The following RYR1 variants were observed in gnomAD, a reference collection of about 807,000 sequenced individuals.
RYR1 encodes the protein ryanodine receptor 1, also known as central core disease of muscle.
RYR1 carries 342 observed loss-of-function variants against 583.5 expected under a neutral mutation model. That is an observed-to-expected ratio of 0.59 (90% confidence interval 0.54 to 0.64). The LOEUF (loss-of-function observed/expected upper bound fraction) is 0.64. Among genes scored for constraint, RYR1 ranks in the 30% least tolerant of loss-of-function variants. The probability of loss-of-function intolerance (pLI) is 0.00; values close to 1 mark genes in which losing one functional copy is unlikely to be tolerated. For missense variants in RYR1, 6,032 were observed against 6,917.2 expected (o/e 0.87, Z 4.54); for synonymous variants, 2,791 against 2,822.5 (o/e 0.99, Z 0.35).
At chr19:38,466,537 C>A in intron 24 of RYR1, 139 bp downstream of exon 24, 1 of 873,566 alleles carries the variant, frequency 1.1e-6, no homozygotes, top group Non-Finnish European at 1.7e-6. Flanking sequence ...CGGAGTCTCG[C>A]TGTCCCCAGG....
At chr19:38,492,672 G>A in intron 38 of RYR1, 36 bp downstream of exon 38, 1 of 1,550,326 alleles carries the variant, frequency 6.5e-7, no homozygotes, top group Non-Finnish European at 8.8e-7. Context: ...GGGCAGGGGT[G>A]GGGTGGGTAG....
chr19:38,526,887 A>G, intron 71 of RYR1, 106 bp from the exon 72 acceptor site: 4 of 1,272,592 alleles, frequency 3.1e-6, no homozygotes, highest in Non-Finnish European at 4.6e-6. Context: ...CCCACCCCAG[A>G]AAAACCTCTT....
Position 38,496,711 on chromosome 19 carries a change from C to T in RYR1, c.6797-149C>T, listed in dbSNP as rs1969845931. On this transcript the variant is annotated intron_variant, in intron 41 of 105. Coordinates refer to ENST00000359596, the MANE Select transcript of RYR1 (RefSeq NM_000540.3). This position sits in a 1 kb window ranked among gnomAD's most constrained non-coding sequence, Gnocchi z 4.8. ...GACACAATAGTGACCCCAATAGTGA[C>T]AGCCCAGAGTGGTCAGAGCTTGGAT... is the stretch of plus-strand genomic sequence containing the variant. 1.8e-6 allele frequency: 2 copies of T among 1,098,582 alleles called. No individual in the cohort carries two copies. Among genetic ancestry groups the T allele is most frequent in the East Asian group, 2.5e-5 (1 of 40,010 alleles). 68.1% of individuals were successfully genotyped at this position (1,098,582 alleles called of 1,614,324 possible). A position where few individuals can be genotyped will look rare whatever the true frequency, so the allele number is the denominator to read the frequency against.
Position 38,517,569 on chromosome 19 carries a change from G to T in RYR1, c.9896G>T (p.Gly3299Val), listed in dbSNP as rs376790408. Residue 3299 changes from glycine (G) to valine (V), a missense_variant, in exon 66 of 106, where the codon GGC becomes GTC. Gly to Val is a moderately radical substitution (Grantham distance 109). Around this residue, in one of 11 missense-constraint regions of RYR1, gnomAD observed 1,493 missense variants for 1,715.5 expected, o/e 0.87. Coordinates refer to ENST00000359596, the MANE Select transcript of RYR1 (RefSeq NM_000540.3). Reference protein sequence around the residue: ...PEAPPSALPAGAPPPCTAVTS... With the variant: ...PEAPPSALPAVAPPPCTAVTS... ...GCACCCCCTTCCGCCCTGCCCGCCG[G>T]CGCCCCCCCACCCTGCACAGCTGTC... 3.7e-5 allele frequency: 59 copies of T among 1,613,872 alleles called. No individual in the cohort carries two copies. The African/African-American group carries it at 7.3e-4, about 20-fold the overall frequency.
At chr19:38,558,651 T>C (rs1972983847) in intron 89 of RYR1, among the ~76,000 whole-genome samples, 1 of 150,140 alleles carries the variant, frequency 6.7e-6, no homozygotes, top group Admixed American at 6.7e-5. Flanking sequence ...TGGTAGCACA[T>C]GCCTGTAATC....
intron 93 of RYR1, among the ~76,000 whole-genome samples, chr19:38,569,848 G>T (rs1267622765): frequency 3.3e-5 from 5 of 152,168 alleles, no homozygotes; most frequent in Non-Finnish European, 7.4e-5. Flanking sequence ...CCCAGATGTT[G>T]GTATAAGCAA....
rs1404727078 is a variant in RYR1 at position 38,500,309 on chromosome 19, G to C, written c.7323+293G>C. Among the ~76,000 whole-genome samples the C allele has an allele frequency of 6.6e-6, 1 of 151,084 alleles. No individual in the cohort carries two copies. The highest frequency in any genetic ancestry group is 1.5e-5 in the Non-Finnish European group (1 of 67,726). ...GGGCACACGGAGAGGACTCAGGATGGGGATGGGGAACACAGGGAGAGGGGT... is the reference window on the plus strand; with the variant it reads ...GGGCACACGGAGAGGACTCAGGATGCGGATGGGGAACACAGGGAGAGGGGT... On this transcript the variant is annotated intron_variant, in intron 45 of 105. Coordinates refer to ENST00000359596, the MANE Select transcript of RYR1 (RefSeq NM_000540.3). This position sits in a 1 kb window ranked among gnomAD's most constrained non-coding sequence, Gnocchi z 5.9.
At chr19:38,526,785 C>A (rs560330631) in intron 71 of RYR1, among the ~76,000 whole-genome samples, 1 of 152,278 alleles carries the variant, frequency 6.6e-6, no homozygotes, top group Admixed American at 6.5e-5. Context: ...CTTACTGTAT[C>A]TTCAAGGTGA....
At chr19:38,535,478 G>C (rs1468085663) in intron 81 of RYR1, 86 bp downstream of exon 81, 3 of 999,764 alleles carry the variant, frequency 3.0e-6, no homozygotes, top group Non-Finnish European at 4.8e-6. Context: ...TTCTGATTCT[G>C]CTCTTTCAGT....
At chr19:38,563,549 G>A (rs529313356) in intron 90 of RYR1, among the ~76,000 whole-genome samples, 8 of 152,326 alleles carry the variant, frequency 5.3e-5, no homozygotes, top group East Asian at 3.9e-4. Flanking sequence ...ACAGGTGTGC[G>A]CCACCGTGGC....
intron 7 of RYR1, 30 bp from the exon 8 acceptor site, chr19:38,446,442 C>T: frequency 6.4e-7 from 1 of 1,558,118 alleles, no homozygotes. Flanking sequence ...TCCAGCCTCC[C>T]ATTGACCAAC....
intron 67 of RYR1, among the ~76,000 whole-genome samples, chr19:38,522,486 C>A (rs956195294): frequency 2.0e-5 from 3 of 152,038 alleles, no homozygotes; most frequent in African/African-American, 7.3e-5. Context: ...GTGACGTGCA[C>A]CTGTAGTCCC....
intron 42 of RYR1, among the ~76,000 whole-genome samples, chr19:38,498,796 C>T (rs926872749): frequency 5.9e-5 from 9 of 152,224 alleles, no homozygotes; most frequent in African/African-American, 9.6e-5. Flanking sequence ...GGGTTTTGGC[C>T]GGCTTCTTTA....
chr19:38,446,246 A>AC (rs1429602706), intron 7 of RYR1, among the ~76,000 whole-genome samples: 1 of 151,556 alleles, frequency 6.6e-6, no homozygotes, highest in Non-Finnish European at 1.5e-5. Flanking sequence ...GCAGACCCAG[A>AC]CCCCCCAAAT....
intron 28 of RYR1, among the ~76,000 whole-genome samples, chr19:38,474,685 C>T (rs988987627): frequency 1.3e-5 from 2 of 148,470 alleles, no homozygotes; most frequent in African/African-American, 2.5e-5. Context: ...AGCAATTCTC[C>T]TGCCTCAGCC....
chr19:38,508,279 G>T (rs950296995), intron 58 of RYR1, among the ~76,000 whole-genome samples: 1 of 151,764 alleles, frequency 6.6e-6, no homozygotes, highest in Non-Finnish European at 1.5e-5. Flanking sequence ...GCACGGTCTC[G>T]GCTCACTGCA....
At chr19:38,439,195 T>G (rs1016167804) in intron 1 of RYR1, among the ~76,000 whole-genome samples, 9 of 148,262 alleles carry the variant, frequency 6.1e-5, no homozygotes, top group South Asian at 2.1e-4. Context: ...TATTTTTTTT[T>G]TTGTTTGTTT....
chr19:38,490,050 C>T (rs1459073374), intron 35 of RYR1, 26 bp from the exon 36 acceptor site: 4 of 1,611,502 alleles, frequency 2.5e-6, no homozygotes. Context: ...CTCCATCTCT[C>T]CTCCCACACG....
intron 92 of RYR1, 150 bp downstream of exon 92, chr19:38,567,137 G>C: frequency 1.5e-6 from 2 of 1,295,534 alleles, no homozygotes; most frequent in Non-Finnish European, 2.1e-6. Context: ...GAGGGGCTCT[G>C]AGTAAAAGAA....
Sources: gnomAD v4.1 joint callset for allele counts (sites outside exome capture counted in the v4.1 genomes callset) on GRCh38, gnomAD v4.1.1 for gene constraint, gnomAD v4.1.1 regional missense constraint, Gnocchi (gnomAD v3.1) non-coding constraint, MANE v1.5 for transcripts, NCBI Gene and HGNC (gene_info 2026-07-23, HGNC 2026-07-21) for gene names.